Variants in PRDM5 observed in about 807,000 individuals in gnomAD.
PRDM5 encodes the protein PR domain zinc finger protein 5.
PRDM5 carries 56 observed loss-of-function variants against 81.2 expected under a neutral mutation model. That is an observed-to-expected ratio of 0.69 (90% CI 0.56 to 0.86). PRDM5 has a LOEUF of 0.86. PRDM5 is among the 40% of genes least tolerant of loss of function. PRDM5 has a pLI of 0.00. For missense variants in PRDM5, 697 were observed against 770.1 expected (o/e 0.91, Z 1.12); for synonymous variants, 267 against 256.4 (o/e 1.04, Z -0.39).
At chr4:120,696,794 A>C (rs1734576748) in intron 15 of PRDM5, among the ~76,000 whole-genome samples, 1 of 152,194 alleles carries the variant, frequency 6.6e-6, no homozygotes, top group Non-Finnish European at 1.5e-5. Flanking sequence ...GTGGAATAGA[A>C]AGAAAACACC....
chr4:120,890,815 G>A (rs1030194514), intron 2 of PRDM5, among the ~76,000 whole-genome samples: 1 of 152,066 alleles, frequency 6.6e-6, no homozygotes, highest in Admixed American at 6.5e-5. Context: ...CTTTAAATGG[G>A]GTTGTTTGGT....
chr4:120,751,337 C>T (rs1236410175), intron 14 of PRDM5, among the ~76,000 whole-genome samples: 2 of 151,320 alleles, frequency 1.3e-5, no homozygotes, highest in African/African-American at 4.9e-5. Context: ...TTGAAAATAT[C>T]AATAGAAATT....
chr4:120,854,764 T>C (rs1759679381), intron 2 of PRDM5, among the ~76,000 whole-genome samples: 2 of 152,048 alleles, frequency 1.3e-5, no homozygotes, highest in Non-Finnish European at 2.9e-5. Context: ...AAGGGCTCTA[T>C]TCCATGAGGC....
Position 120,850,415 on chromosome 4 carries a change from C to G in PRDM5, c.300+3003G>C, listed in dbSNP as rs150761236. Among the ~76,000 whole-genome samples, 383 of 152,244 alleles carry G rather than the reference C, an allele frequency of 2.5e-3. 1 individual carries two copies. Among genetic ancestry groups the G allele is most frequent in the African/African-American group, 8.8e-3 (366 of 41,566 alleles). ...AGCCACGTGACCCAACTATTATGCT[C>G]TCTGCCTTTAGCTCAGATGTGATTT... is the stretch of plus-strand genomic sequence containing the variant. On this transcript the variant is annotated intron_variant, in intron 3 of 15. Coordinates refer to ENST00000264808, the MANE Select transcript of PRDM5 (RefSeq NM_018699.4).
chr4:120,719,450 G>A (rs939608710), intron 14 of PRDM5, among the ~76,000 whole-genome samples: 42 of 152,218 alleles, frequency 2.8e-4, no homozygotes, highest in African/African-American at 9.6e-4. Flanking sequence ...ATTTATCATA[G>A]ACCAGAAATA....
chr4:120,821,064 T>C, intron 4 of PRDM5, 107 bp downstream of exon 4: 2 of 1,285,520 alleles, frequency 1.6e-6, no homozygotes, highest in Non-Finnish European at 1.1e-6. Context: ...AAACTAACTT[T>C]ATTTGAGAAT....
At chr4:120,879,975 T>C (rs368311681) in intron 2 of PRDM5, among the ~76,000 whole-genome samples, 6 of 152,140 alleles carry the variant, frequency 3.9e-5, no homozygotes, top group Middle Eastern at 3.2e-3. Context: ...TCAGAACCCA[T>C]AGAATGAACA....
chr4:120,738,320 A>C (rs190613287), intron 14 of PRDM5, among the ~76,000 whole-genome samples: 2 of 152,228 alleles, frequency 1.3e-5, no homozygotes, highest in Non-Finnish European at 2.9e-5. Flanking sequence ...AATGTTCTAT[A>C]AAGTACTAAG....
intron 10 of PRDM5, among the ~76,000 whole-genome samples, chr4:120,795,023 A>T (rs1432414127): frequency 1.3e-5 from 2 of 152,194 alleles, no homozygotes; most frequent in Non-Finnish European, 2.9e-5. Context: ...ACTTGATGAG[A>T]CATTAAGGCC....
rs762407451 is a variant in PRDM5 at position 120,777,274 on chromosome 4, G to T, written c.1451C>A (p.Thr484Lys). The T allele has an allele frequency of 2.3e-5, 37 of 1,613,190 alleles. No individual in the cohort carries two copies. Among genetic ancestry groups the T allele is most frequent in the Non-Finnish European group, 3.1e-5 (36 of 1,179,448 alleles). Residue 484 changes from threonine to lysine, a missense_variant, in exon 13 of 16, where the codon ACA becomes AAA. Coordinates refer to ENST00000264808, the MANE Select transcript of PRDM5 (RefSeq NM_018699.4). ...SVLRSHKKTH[T>K]GEKEKICPYC... ...TGGACAGATTTTCTCCTTTTCTCCT[G>T]TATGTGTCTAAAAGGAAAGGGATAA... is the stretch of plus-strand genomic sequence containing the variant.
In PRDM5 at chr4:120,694,753, A is replaced by C. The variant is rs1316917261; in HGVS notation, c.*358T>G. The C allele has an allele frequency of 3.7e-6, 1 of 268,968 alleles. No individual in the cohort carries two copies. Among genetic ancestry groups the C allele is most frequent in the African/African-American group, 2.2e-5 (1 of 45,116 alleles). 16.7% of individuals were successfully genotyped at this position (268,968 alleles called of 1,614,324 possible). On this transcript the variant is annotated 3_prime_UTR_variant, in exon 16 of 16. Coordinates refer to ENST00000264808, the MANE Select transcript of PRDM5 (RefSeq NM_018699.4). ...CATACAGACACACAGACACACAGAC[A>C]CACAAAGAATAACAATAAAATAAAA...
At chr4:120,747,285 G>A (rs1247106377) in intron 14 of PRDM5, among the ~76,000 whole-genome samples, 1 of 118,116 alleles carries the variant, frequency 8.5e-6, no homozygotes, top group Non-Finnish European at 1.7e-5. Flanking sequence ...GGACTGTTGT[G>A]GGGTGGGGGG....
Position 120,745,396 on chromosome 4 carries a change from A to G in PRDM5, c.1623+9157T>C, listed in dbSNP as rs1443112229. ...CAAGACAGGGATGCCCTCTCTCACCACTCCTATTCAACATAGTGTTGGAAG... is the reference window on the plus strand; with the variant it reads ...CAAGACAGGGATGCCCTCTCTCACCGCTCCTATTCAACATAGTGTTGGAAG... On this transcript the variant is annotated intron_variant, in intron 14 of 15. Transcript: ENST00000264808. Among the ~76,000 whole-genome samples the G allele has an allele frequency of 2.9e-4, 39 of 135,056 alleles. 1 individual carries two copies. The highest frequency in any genetic ancestry group is 1.0e-3 in the African/African-American group (35 of 34,534). The allele number at this position is 135,056 out of a possible 152,430, so 88.6% of individuals were successfully genotyped here. A position where few individuals can be genotyped will look rare whatever the true frequency, so the allele number is the denominator to read the frequency against.
At chr4:120,852,276 C>G (rs1237382370) in intron 3 of PRDM5, among the ~76,000 whole-genome samples, 1 of 152,134 alleles carries the variant, frequency 6.6e-6, no homozygotes, top group Non-Finnish European at 1.5e-5. Flanking sequence ...GTTAACTTGA[C>G]TAGGCTACAG....
At chr4:120,748,642 CAA>C (rs34983420) in intron 14 of PRDM5, among the ~76,000 whole-genome samples, 4 of 140,748 alleles carry the variant, frequency 2.8e-5, no homozygotes, top group Non-Finnish European at 4.7e-5. Context: ...CCCTCTCTCT[CAA>C]AAAAAAAAAA....
intron 13 of PRDM5, among the ~76,000 whole-genome samples, chr4:120,759,219 G>A (rs1745243491): frequency 6.6e-6 from 1 of 152,158 alleles, no homozygotes; most frequent in South Asian, 2.1e-4. Context: ...GGAAACTTGG[G>A]TAAGTTCAAC....
intron 8 of PRDM5, among the ~76,000 whole-genome samples, chr4:120,805,317 T>C (rs1018192214): frequency 3.3e-5 from 5 of 152,176 alleles, no homozygotes; most frequent in Middle Eastern, 6.8e-3. Flanking sequence ...TTCCAATCAA[T>C]AGAAAAAGAG....
intron 1 of PRDM5, 151 bp downstream of exon 1, chr4:120,922,365 T>C: frequency 9.5e-7 from 1 of 1,056,006 alleles, no homozygotes; most frequent in Non-Finnish European, 1.2e-6. Context: ...TGCCCCGCGG[T>C]CCCCGGCCTT....
intron 2 of PRDM5, among the ~76,000 whole-genome samples, chr4:120,866,358 C>T (rs2148518982): frequency 6.6e-6 from 1 of 152,336 alleles, no homozygotes; most frequent in African/African-American, 2.4e-5. Context: ...GGGTCAACAT[C>T]ATGTTACTTT....
Sources: allele counts gnomAD v4.1 joint callset (sites outside exome capture counted in the v4.1 genomes callset), GRCh38; gene constraint gnomAD v4.1.1; transcripts MANE v1.5; gene names NCBI Gene and HGNC (gene_info 2026-07-23, HGNC 2026-07-21).